ANAPC4: variants seen among roughly 807,000 people sequenced by gnomAD.
ANAPC4 encodes anaphase promoting complex subunit 4, also known as anaphase-promoting complex subunit 4.
A neutral mutation model predicts 119.8 loss-of-function variants in ANAPC4; 63 were observed. The ratio of observed to expected loss-of-function variants is 0.53; its 90% CI spans 0.43 to 0.65. ANAPC4 has a LOEUF of 0.65. Among genes scored for constraint, ANAPC4 ranks in the 30% least tolerant of loss-of-function variants. ANAPC4 has a pLI of 0.00. For missense variants in ANAPC4, 716 were observed against 945.1 expected (o/e 0.76, Z 3.18); for synonymous variants, 283 against 318.6 (o/e 0.89, Z 1.19).
chr4:25,411,427 T>C (rs1001127523), intron 21 of ANAPC4, among the ~76,000 whole-genome samples: 3 of 152,240 alleles, frequency 2.0e-5, no homozygotes, highest in Non-Finnish European at 2.9e-5. Flanking sequence ...GAACTCACTA[T>C]TGAGTTCCAT....
intron 4 of ANAPC4, among the ~76,000 whole-genome samples, chr4:25,388,148 T>G (rs1722144954): frequency 6.6e-6 from 1 of 152,146 alleles, no homozygotes; most frequent in Admixed American, 6.5e-5. Context: ...CTACTCTTAG[T>G]AGTCATATGT....
At chr4:25,393,998 C>A in intron 11 of ANAPC4, 107 bp downstream of exon 11, 2 of 958,334 alleles carry the variant, frequency 2.1e-6, no homozygotes, top group Non-Finnish European at 3.0e-6. Context: ...AGGCTAAGAT[C>A]ATAATTTCTT....
chr4:25,396,845 T>C lies in ANAPC4; in HGVS notation c.1163-3T>C. 1 of 1,612,496 alleles carries C rather than the reference T, an allele frequency of 6.2e-7. No individual in the cohort carries two copies. Among genetic ancestry groups the C allele is most frequent in the Non-Finnish European group, 8.5e-7 (1 of 1,179,534 alleles). On this transcript the variant is annotated splice_polypyrimidine_tract_variant and splice_region_variant and intron_variant, in intron 15 of 28. Coordinates refer to ENST00000315368, the MANE Select transcript of ANAPC4 (RefSeq NM_013367.3). Reference sequence around the variant, plus strand: ...ATGACGTTTATTTATTTTTTCCCTTTAGAAGCTATAACTGCTGTGGGTTCT... The same window carrying C: ...ATGACGTTTATTTATTTTTTCCCTTCAGAAGCTATAACTGCTGTGGGTTCT...
chr4:25,393,190 C>A (rs315670), intron 10 of ANAPC4, among the ~76,000 whole-genome samples: 30,274 of 152,020 alleles, frequency 0.2, 3,052 homozygotes, highest in East Asian at 0.24. Flanking sequence ...ATTGACCAAA[C>A]CAGTATTTTG....
At position 25,383,366 on chromosome 4, in the gene ANAPC4, A is replaced by T. The variant is rs1289180822; in HGVS notation, c.341A>T (p.His114Leu). The change falls in exon 4 of 29, where the codon CAT becomes CTT. Residue 114 changes from histidine to leucine, a missense_variant. By Grantham distance (99) the His-to-Leu change is moderately conservative. This residue lies in a region of ANAPC4 where 202 missense variants were observed against 293.5 expected (regional missense o/e 0.69). Transcript: ENST00000315368. Reference sequence around the variant, plus strand: ...GTGGAGGCTCCAGTTTCCTGTATGCATTGGATGGAAGTGACAGTAGAAAGC... The same window carrying T: ...GTGGAGGCTCCAGTTTCCTGTATGCTTTGGATGGAAGTGACAGTAGAAAGC... ...FSVEAPVSCM[H>L]WMEVTVESSV... is the part of the protein sequence containing the mutation. The T allele has an allele frequency of 1.9e-6, 3 of 1,612,716 alleles. No homozygotes were observed. Among genetic ancestry groups the T allele is most frequent in the East Asian group, 4.5e-5 (2 of 44,818 alleles).
Position 25,388,558 on chromosome 4 carries a change from C to G in ANAPC4, c.427C>G (p.Pro143Ala). The G allele has an allele frequency of 6.2e-7, 1 of 1,603,998 alleles. No individual in the cohort carries two copies. Among genetic ancestry groups the G allele is most frequent in the East Asian group, 2.2e-5 (1 of 44,674 alleles). ...DESNLLLPKL[P>A]TLPKNYSNTS... Reference sequence around the variant, plus strand: ...ATCAAATCTTCTCTTACCTAAACTACCTACACTGCCAAAAAAGTATGTATC... The same window carrying G: ...ATCAAATCTTCTCTTACCTAAACTAGCTACACTGCCAAAAAAGTATGTATC... Residue 143 changes from proline (P) to alanine (A), a missense_variant, in exon 5 of 29, where the codon CCT becomes GCT. Pro to Ala is a conservative substitution (Grantham distance 27). Transcript: ENST00000315368.
intron 4 of ANAPC4, among the ~76,000 whole-genome samples, chr4:25,387,901 C>A (rs917334341): frequency 2.6e-5 from 4 of 151,978 alleles, no homozygotes; most frequent in African/African-American, 9.7e-5. Context: ...CTTTGGGAGG[C>A]TGAGGCAGGA....
intron 4 of ANAPC4, among the ~76,000 whole-genome samples, chr4:25,386,890 A>G (rs1016051992): frequency 6.6e-6 from 1 of 152,212 alleles, no homozygotes; most frequent in Non-Finnish European, 1.5e-5. Flanking sequence ...TCATACTCCA[A>G]AAATAGTTAC....
At position 25,418,450 on chromosome 4, in the gene ANAPC4, G is replaced by A; in HGVS notation, c.*68G>A. 2 of 1,327,162 alleles carry A rather than the reference G, an allele frequency of 1.5e-6. No homozygotes were observed. Among genetic ancestry groups the A allele is most frequent in the South Asian group, 2.6e-5 (2 of 78,064 alleles). 82.2% of individuals were successfully genotyped at this position (1,327,162 alleles called of 1,614,324 possible). ...CATAGGAGATGGACTAAGATGTCTTGGACCACCTTTGTGTAACAAAGAAAT... is the reference window on the plus strand; with the variant it reads ...CATAGGAGATGGACTAAGATGTCTTAGACCACCTTTGTGTAACAAAGAAAT... On this transcript the variant is annotated 3_prime_UTR_variant, in exon 29 of 29. Transcript: ENST00000315368.
intron 8 of ANAPC4, 28 bp from the exon 9 acceptor site, chr4:25,390,883 T>C: frequency 6.5e-7 from 1 of 1,548,128 alleles, no homozygotes; most frequent in Non-Finnish European, 8.9e-7. Context: ...TGATACTAAA[T>C]ATACTAAGGG....
rs188580692 is a variant in ANAPC4, at chr4:25,390,246, T to A, written c.600+26T>A. On this transcript the variant is annotated intron_variant, in intron 8 of 28. Transcript: ENST00000315368. ...GTAAGATTTCTTTAACATTTTCTCT[T>A]CCTAAATTATTTCTCTTAGAATATA... 4 of 1,532,086 alleles carry A rather than the reference T, an allele frequency of 2.6e-6. No homozygotes were observed. The African/African-American group carries it at 5.5e-5, about 21-fold the overall frequency. 94.9% of individuals were successfully genotyped at this position (1,532,086 alleles called of 1,614,324 possible).
intron 20 of ANAPC4, among the ~76,000 whole-genome samples, chr4:25,407,761 G>A (rs1276335892): frequency 6.6e-6 from 1 of 152,070 alleles, no homozygotes; most frequent in Non-Finnish European, 1.5e-5. Flanking sequence ...CAGGCATTGT[G>A]GCTCATGCCT....
intron 3 of ANAPC4, among the ~76,000 whole-genome samples, chr4:25,383,022 G>C (rs527510679): frequency 6.6e-6 from 1 of 152,144 alleles, no homozygotes; most frequent in African/African-American, 2.4e-5. Context: ...AGTGTGCTAC[G>C]TGAGAAAGTA....
At chr4:25,407,120 A>G in intron 19 of ANAPC4, 77 bp from the exon 20 acceptor site, 1 of 1,265,358 alleles carries the variant, frequency 7.9e-7, no homozygotes, top group African/African-American at 1.5e-5. Context: ...CTTGAAAAGG[A>G]AGGTTTTGGG....
rs770855476 is a variant in ANAPC4, at chr4:25,414,618, A to T, written c.1744A>T (p.Asn582Tyr). 1.3e-6 allele frequency: 2 copies of T among 1,555,688 alleles called. No homozygotes were observed. Among genetic ancestry groups the T allele is most frequent in the South Asian group, 2.4e-5 (2 of 84,698 alleles). Residue 582 changes from asparagine (N) to tyrosine (Y), a missense_variant, in exon 25 of 29, where the codon AAT becomes TAT. Transcript: ENST00000315368. Reference protein sequence around the residue: ...FPFLWNNKTSNLHYLLFTILE... With the variant: ...FPFLWNNKTSYLHYLLFTILE... ...TCTTAGGTGGAATAATAAAACTTCA[A>T]ATCTACATTATCTTCTTTTTACTAT...
Position 25,386,649 on chromosome 4 carries a change from A to G in ANAPC4, c.369-1851A>G, listed in dbSNP as rs566711760. The stretch of plus-strand genomic sequence containing the variant: ...ATTGCAGTATTGCAAATATTTCAAA[A>G]TGTGACACAGAAGTACAACGTGAGC... On this transcript the variant is annotated intron_variant, in intron 4 of 28. Coordinates refer to ENST00000315368, the MANE Select transcript of ANAPC4 (RefSeq NM_013367.3). Among the ~76,000 whole-genome samples, 12 of 152,356 alleles carry G rather than the reference A, an allele frequency of 7.9e-5. No individual in the cohort carries two copies. In the East Asian group the frequency reaches 2.1e-3, roughly 27 times the overall value.
chr4:25,415,535 A>G lies in ANAPC4; in HGVS notation c.1896A>G (p.Arg632=), dbSNP rs779121653. The G allele has an allele frequency of 1.2e-6, 2 of 1,612,302 alleles. No individual in the cohort carries two copies. Among genetic ancestry groups the G allele is most frequent in the East Asian group, 2.2e-5 (1 of 44,828 alleles). ...CATATGCCACAACAGAAAAAGTCAG[A>G]AGAAGGTAAGTCTTGAATCTTGTTT... ...SFTYATTEKV[R]RSIYSCLDAQ... is the part of the protein sequence containing the mutation. Residue 632 remains arginine, a synonymous_variant, in exon 26 of 29, where the codon AGA becomes AGG. Coordinates refer to ENST00000315368, the MANE Select transcript of ANAPC4 (RefSeq NM_013367.3).
intron 21 of ANAPC4, chr4:25,413,375 A>G (rs902137820): frequency 9.6e-6 from 3 of 313,736 alleles, no homozygotes; most frequent in African/African-American, 2.2e-5. Flanking sequence ...CTTGCTTCTT[A>G]TAGCCAGCAG....
chr4:25,392,664 T>C (rs1219788817), intron 10 of ANAPC4, among the ~76,000 whole-genome samples: 1 of 149,764 alleles, frequency 6.7e-6, no homozygotes, highest in Non-Finnish European at 1.5e-5. Flanking sequence ...ATAAATAAAA[T>C]ACCATTTACA....
Sources: allele counts gnomAD v4.1 joint callset (sites outside exome capture counted in the v4.1 genomes callset), GRCh38; gene constraint gnomAD v4.1.1; regional missense constraint gnomAD v4.1.1; transcripts MANE v1.5; gene names NCBI Gene and HGNC (gene_info 2026-07-23, HGNC 2026-07-21).